Variants in KANK2 observed in about 807,000 individuals in gnomAD.
The protein encoded by KANK2 is KN motif and ankyrin repeat domains 2, also known as KN motif and ankyrin repeat domain-containing protein 2.
In KANK2, 41 loss-of-function variants were observed where a neutral mutation model predicts 74.6. The observed-to-expected ratio is 0.55, with a 90% CI of 0.43 to 0.71. The LOEUF is 0.71. KANK2 is among the 30% of genes least tolerant of loss of function. The probability of loss-of-function intolerance (pLI) is 0.00; values close to 1 mark genes in which losing one functional copy is unlikely to be tolerated. For missense variants in KANK2, 1,148 were observed against 1,196.4 expected (o/e 0.96, Z 0.60); for synonymous variants, 537 against 519.0 (o/e 1.03, Z -0.47).
At chr19:11,176,845 G>A in intron 6 of KANK2, 28 bp from the exon 7 acceptor site, 1 of 1,492,330 alleles carries the variant, frequency 6.7e-7, no homozygotes, top group Non-Finnish European at 8.9e-7. Flanking sequence ...GGGAGGGGGA[G>A]ATGCTGCAGG....
At chr19:11,180,654 C>T (rs940515315) in intron 4 of KANK2, among the ~76,000 whole-genome samples, 19 of 152,152 alleles carry the variant, frequency 1.2e-4, no homozygotes, top group Admixed American at 6.5e-4. Flanking sequence ...CGAGAGCAAA[C>T]GCCAGTTGCT....
At chr19:11,175,218 C>T (rs989657129) in intron 8 of KANK2, among the ~76,000 whole-genome samples, 1 of 151,558 alleles carries the variant, frequency 6.6e-6, no homozygotes, top group Non-Finnish European at 1.5e-5. Context: ...CTTGAGGTCA[C>T]GAGTTCGAGA....
rs199665873 is a variant in KANK2 at position 11,178,633 on chromosome 19, C to T, written c.1337G>A (p.Arg446Gln). 2.0e-5 allele frequency: 32 copies of T among 1,591,028 alleles called. No homozygotes were observed. Among genetic ancestry groups the T allele is most frequent in the Non-Finnish European group, 2.6e-5 (30 of 1,172,030 alleles). The change falls in exon 5 of 13, where the codon CGA becomes CAA. Residue 446 changes from arginine (R) to glutamine (Q), a missense_variant. Physicochemically the swap from Arg to Gln is conservative, Grantham distance 43. Transcript: ENST00000586659. ...SLTQPEKSTG[R>Q]VPTQEPTHRE... ...GTGGGTGGGCTCCTGGGTGGGCACT[C>T]GGCCTGTGCTCTTCTCAGGCTGTGT... is the stretch of plus-strand genomic sequence containing the variant.
upstream of KANK2, chr19:11,197,574 G>A (rs2079061252): frequency 6.6e-6 from 1 of 151,544 alleles, no homozygotes; most frequent in South Asian, 2.1e-4. Context: ...CCTCGGAGGT[G>A]GCTCCGCCCG....
At chr19:11,194,149 G>A (rs1038329412) in intron 3 of KANK2, 107 bp from the exon 4 acceptor site, 3 of 1,245,126 alleles carry the variant, frequency 2.4e-6, no homozygotes, top group Non-Finnish European at 3.3e-6. Context: ...AGAGATGGGA[G>A]CCCACCTGGT....
intron 10 of KANK2, among the ~76,000 whole-genome samples, chr19:11,172,265 T>C (rs1009960071): frequency 2.0e-4 from 30 of 152,194 alleles, no homozygotes; most frequent in Admixed American, 3.9e-4. Context: ...GCATGAGCCA[T>C]GGCGCCTGGC....
At chr19:11,196,550 A>G (rs1680078598) in intron 1 of KANK2, 1 of 152,048 alleles carries the variant, frequency 6.6e-6, no homozygotes, top group South Asian at 2.1e-4. Context: ...CCAAGCCACC[A>G]CCCTCAGACT....
Position 11,194,062 on chromosome 19 carries a change from CAGGA to C in KANK2, c.38-24_38-21del. On this transcript the variant is annotated intron_variant, in intron 3 of 12. Coordinates refer to ENST00000586659, the MANE Select transcript of KANK2 (RefSeq NM_001136191.3). ...GGGTCCCTGGGGATGGGAGAAACAC[CAGGA>C]CCTTTGAATCCTCTTGTCCCCATTC... 1 of 1,581,652 alleles carries C rather than the reference CAGGA, an allele frequency of 6.3e-7. No individual in the cohort carries two copies. Among genetic ancestry groups the C allele is most frequent in the Non-Finnish European group, 8.6e-7 (1 of 1,164,340 alleles).
intron 4 of KANK2, among the ~76,000 whole-genome samples, chr19:11,187,149 T>C (rs1471853468): frequency 2.0e-5 from 3 of 151,014 alleles, no homozygotes; most frequent in Admixed American, 1.3e-4. Context: ...CCCAGCTACT[T>C]GGGAGGCTGA....
In KANK2 at chr19:11,193,298, G is replaced by A. The variant is rs747362327; in HGVS notation, c.782C>T (p.Ala261Val). The stretch of plus-strand genomic sequence containing the variant: ...GGTGCCCACACTCCGGGTCTCCAGT[G>A]CCACTGGGTCCTCTGGGGGATCGGG... ...DLPDPPEDPV[A>V]LETRSVGTWV... The change falls in exon 4 of 13, where the codon GCA (alanine) becomes GTA (valine). Residue 261 changes from alanine to valine, a missense_variant. Physicochemically the swap from Ala to Val is moderately conservative, Grantham distance 64 (BLOSUM62 0). Coordinates refer to ENST00000586659, the MANE Select transcript of KANK2 (RefSeq NM_001136191.3). The surrounding 1 kb of genome is among the most constrained non-coding windows in gnomAD (Gnocchi z 9.6). 24 of 1,612,082 alleles carry A rather than the reference G, an allele frequency of 1.5e-5. No individual in the cohort carries two copies. Among genetic ancestry groups the A allele is most frequent in the Non-Finnish European group, 1.9e-5 (23 of 1,179,952 alleles).
intron 4 of KANK2, among the ~76,000 whole-genome samples, chr19:11,186,682 G>A (rs12980879): frequency 0.066 from 10,019 of 152,138 alleles, 382 homozygotes; most frequent in Admixed American, 0.09. Flanking sequence ...CTGGGCAACA[G>A]GAGTGAAACT....
chr19:11,191,669 C>T (rs2078850393), intron 4 of KANK2, among the ~76,000 whole-genome samples: 1 of 152,218 alleles, frequency 6.6e-6, no homozygotes, highest in South Asian at 2.1e-4. Flanking sequence ...CAGACAGATG[C>T]CTGGAGCAGT....
At position 11,193,313 on chromosome 19, in the gene KANK2, G is replaced by A; in HGVS notation, c.767C>T (p.Pro256Leu). The change falls in exon 4 of 13, where the codon CCA (proline) becomes CTA (leucine). Residue 256 changes from proline (P) to leucine (L), a missense_variant. Pro to Leu is a moderately conservative substitution (Grantham distance 98). Transcript: ENST00000586659. This position sits in a 1 kb window ranked among gnomAD's most constrained non-coding sequence, Gnocchi z 9.6. ...SELCLDLPDP[P>L]EDPVALETRS... The stretch of plus-strand genomic sequence containing the variant: ...GGTCTCCAGTGCCACTGGGTCCTCT[G>A]GGGGATCGGGGAGGTCCAGGCAGAG... 6.2e-7 allele frequency: 1 copy of A among 1,612,482 alleles called. No homozygotes were observed. Among genetic ancestry groups the A allele is most frequent in the Non-Finnish European group, 8.5e-7 (1 of 1,179,944 alleles).
rs148825252 is a variant in KANK2 at position 11,178,559 on chromosome 19, C to T, written c.1411G>A (p.Gly471Ser). Residue 471 changes from glycine to serine, a missense_variant, in exon 5 of 13, where the codon GGC becomes AGC. Physicochemically the swap from Gly to Ser is moderately conservative, Grantham distance 56. Coordinates refer to ENST00000586659, the MANE Select transcript of KANK2 (RefSeq NM_001136191.3). ...AASQESEEAG[G>S]TGGPPAGVRS... ...GCGGCCACCCACCACTTACCGGTGC[C>T]CCCGGCCTCCTCGGACTCTTGGGAG... 2.5e-4 allele frequency: 409 copies of T among 1,604,326 alleles called. 2 individuals carry two copies. In the African/African-American group the frequency reaches 4.9e-3, roughly 19 times the overall value.
intron 4 of KANK2, among the ~76,000 whole-genome samples, chr19:11,190,042 G>C (rs1353249387): frequency 6.6e-6 from 1 of 152,190 alleles, no homozygotes; most frequent in Non-Finnish European, 1.5e-5. Flanking sequence ...TAGGGGCTCT[G>C]GCCACCTGAC....
intron 12 of KANK2, among the ~76,000 whole-genome samples, chr19:11,167,588 C>T (rs977215426): frequency 1.7e-4 from 25 of 150,528 alleles, no homozygotes; most frequent in Admixed American, 1.3e-3. Flanking sequence ...AGTGCAGTGG[C>T]GCGATCTCAG....
rs1347678650 is a variant in KANK2, at chr19:11,181,113, A to AAAAAAAAG, written c.1250-2394_1250-2393insCTTTTTTT. 1.4e-3 allele frequency among the ~76,000 whole-genome samples: 140 copies of AAAAAAAAG among 98,334 alleles called. 16 individuals are homozygous for AAAAAAAAG. The highest frequency in any genetic ancestry group is 5.5e-3 in the African/African-American group (132 of 23,808). The allele number at this position is 98,334 out of a possible 152,430, so 64.5% of individuals were successfully genotyped here. A position where few individuals can be genotyped will look rare whatever the true frequency, so the allele number is the denominator to read the frequency against. On this transcript the variant is annotated intron_variant, in intron 4 of 12. Coordinates refer to ENST00000586659, the MANE Select transcript of KANK2 (RefSeq NM_001136191.3). ...CAAAAAAAAAAAAAAAAAAAAAAAA[A>AAAAAAAAG]AAATTCTGGGAGAGCCAAAAAATGA... is the stretch of plus-strand genomic sequence containing the variant.
chr19:11,176,518 T>C (rs1440145209), intron 7 of KANK2, 60 bp downstream of exon 7: 3 of 1,508,766 alleles, frequency 2.0e-6, no homozygotes, highest in South Asian at 2.7e-5. Flanking sequence ...CGGTGGGGGT[T>C]TGAGGCAGAG....
Position 11,170,179 on chromosome 19 carries a change from A to G in KANK2, c.2281T>C (p.Cys761Arg), listed in dbSNP as rs879803835. The G allele has an allele frequency of 1.8e-5, 29 of 1,611,920 alleles. No homozygotes were observed. The highest frequency in any genetic ancestry group is 2.5e-5 in the Non-Finnish European group (29 of 1,180,028). ...RVDVVKALLA[C>R]EADVNVQDDD... is the part of the protein sequence containing the mutation. ...TCTTGCACGTTGACATCTGCCTCAC[A>G]GGCCAGCAGGGCTTTGACAACGTCC... The change falls in exon 11 of 13, where the codon TGT becomes CGT. Residue 761 changes from cysteine (C) to arginine (R), a missense_variant. Cys to Arg is a radical substitution (Grantham distance 180, BLOSUM62 -3). Coordinates refer to ENST00000586659, the MANE Select transcript of KANK2 (RefSeq NM_001136191.3). This position sits in a 1 kb window ranked among gnomAD's most constrained non-coding sequence, Gnocchi z 5.2.
Sources: gnomAD v4.1 joint callset for allele counts (sites outside exome capture counted in the v4.1 genomes callset) on GRCh38, gnomAD v4.1.1 for gene constraint, Gnocchi (gnomAD v3.1) non-coding constraint, MANE v1.5 for transcripts, NCBI Gene and HGNC (gene_info 2026-07-23, HGNC 2026-07-21) for gene names.